Variants in SEMA6D observed in about 807,000 individuals in gnomAD.
SEMA6D encodes semaphorin 6D, also known as semaphorin-6D.
SEMA6D carries 35 observed loss-of-function variants against 106.6 expected under a neutral mutation model. The observed-to-expected ratio is 0.33, with a 90% CI of 0.25 to 0.44. The LOEUF (loss-of-function observed/expected upper bound fraction) is 0.44, where lower values mean the gene tolerates loss of function less well. Among genes scored for constraint, SEMA6D ranks in the 20% least tolerant of loss-of-function variants. SEMA6D has a pLI of 1.00. For missense variants in SEMA6D, 1,185 were observed against 1,345.9 expected (o/e 0.88, Z 1.87); for synonymous variants, 499 against 487.7 (o/e 1.02, Z -0.31).
At chr15:47,302,354 T>G (rs2142995231) in intron 1 of SEMA6D, among the ~76,000 whole-genome samples, 1 of 152,184 alleles carries the variant, frequency 6.6e-6, no homozygotes, top group South Asian at 2.1e-4. Context: ...TAATGCAAAC[T>G]TTTCTTATAC....
intron 1 of SEMA6D, among the ~76,000 whole-genome samples, chr15:47,369,831 C>T (rs922851987): frequency 3.3e-5 from 5 of 152,198 alleles, no homozygotes; most frequent in African/African-American, 7.2e-5. Context: ...TTTCATGAGG[C>T]ATCTACTGCA....
At position 47,406,351 on chromosome 15, in the gene SEMA6D, T is replaced by C. The variant is rs959914862; in HGVS notation, c.-238-6042T>C. ...ACTGCTGGTAGCTGTTTGACCTGGC[T>C]TAAGATACTTATCCCCACTGAGACT... On this transcript the variant is annotated intron_variant, in intron 1 of 19. Transcript: ENST00000558014. Among the ~76,000 whole-genome samples, 15 of 152,160 alleles carry C rather than the reference T, an allele frequency of 9.9e-5. 1 individual carries two copies. In the South Asian group the frequency reaches 3.1e-3, roughly 32 times the overall value.
At chr15:47,627,371 G>T (rs1270938636) in intron 4 of SEMA6D, among the ~76,000 whole-genome samples, 3 of 152,142 alleles carry the variant, frequency 2.0e-5, no homozygotes, top group Non-Finnish European at 4.4e-5. Flanking sequence ...GTGGAAGTAA[G>T]TAAACAAATC....
At chr15:47,467,866 C>G (rs2042711242) in intron 2 of SEMA6D, among the ~76,000 whole-genome samples, 1 of 152,112 alleles carries the variant, frequency 6.6e-6, no homozygotes, top group Non-Finnish European at 1.5e-5. Context: ...AACTCCTTCC[C>G]CTACTAGTAA....
Position 47,759,735 on chromosome 15 carries a change from TGTTTTC to T in SEMA6D, c.-54-9_-54-4del. 8.5e-7 allele frequency: 1 copy of T among 1,176,852 alleles called. No homozygotes were observed. Among genetic ancestry groups the T allele is most frequent in the African/African-American group, 1.5e-5 (1 of 66,478 alleles). 72.9% of individuals were successfully genotyped at this position (1,176,852 alleles called of 1,614,324 possible). A position where few individuals can be genotyped will look rare whatever the true frequency, so the allele number is the denominator to read the frequency against. ...CATAGAGATCTTTCCAAACTGCTTC[TGTTTTC>T]CAGGTAGCTCAGTGGCATTTCTGAG... On this transcript the variant is annotated splice_region_variant and splice_polypyrimidine_tract_variant and intron_variant, in intron 1 of 18. Transcript: ENST00000536845.
Position 47,305,318 on chromosome 15 carries a change from G to A in SEMA6D, c.-238-107075G>A, listed in dbSNP as rs116587444. Among the ~76,000 whole-genome samples, 981 of 152,304 alleles carry A rather than the reference G, an allele frequency of 6.4e-3. 14 individuals carry two copies. Among genetic ancestry groups the A allele is most frequent in the African/African-American group, 0.023 (936 of 41,560 alleles). ...TGTCATGTTACTGAGTGTGGCCCAT[G>A]GGATGACCTGGTGATCACGAAATGA... On this transcript the variant is annotated intron_variant, in intron 1 of 19. Coordinates refer to the SEMA6D transcript ENST00000558014.
intron 1 of SEMA6D, among the ~76,000 whole-genome samples, chr15:47,236,001 G>A (rs2032515883): frequency 6.6e-6 from 1 of 152,002 alleles, no homozygotes; most frequent in African/African-American, 2.4e-5. Flanking sequence ...TGTTGAGCTG[G>A]GTAGCAAGGG....
intron 1 of SEMA6D, among the ~76,000 whole-genome samples, chr15:47,322,357 C>T (rs2036956796): frequency 6.7e-6 from 1 of 148,970 alleles, no homozygotes; most frequent in African/African-American, 2.5e-5. Context: ...TTTCTTTAGT[C>T]TGTCCCAATA....
chr15:47,405,020 A>G (rs2040514613), intron 1 of SEMA6D, among the ~76,000 whole-genome samples: 1 of 152,096 alleles, frequency 6.6e-6, no homozygotes, highest in Non-Finnish European at 1.5e-5. Flanking sequence ...TTAAAGAATG[A>G]GTAGGAAATG....
chr15:47,376,538 G>A (rs138899328), intron 1 of SEMA6D, among the ~76,000 whole-genome samples: 4 of 152,272 alleles, frequency 2.6e-5, no homozygotes, highest in Non-Finnish European at 5.9e-5. Flanking sequence ...CACTAGTGTC[G>A]CCTAAAATTG....
intron 3 of SEMA6D, among the ~76,000 whole-genome samples, chr15:47,476,142 G>A (rs1041896635): frequency 2.0e-5 from 3 of 152,310 alleles, no homozygotes; most frequent in Non-Finnish European, 4.4e-5. Flanking sequence ...AAAGAACTCT[G>A]TATTTGAGGT....
At chr15:47,564,050 A>G (rs185915331) in intron 3 of SEMA6D, among the ~76,000 whole-genome samples, 68 of 152,354 alleles carry the variant, frequency 4.5e-4, no homozygotes, top group African/African-American at 1.4e-3. Flanking sequence ...TATGAGTTCA[A>G]AGAAACCTGA....
At chr15:47,417,558 C>T (rs2041013975) in intron 2 of SEMA6D, among the ~76,000 whole-genome samples, 1 of 79,146 alleles carries the variant, frequency 1.3e-5, no homozygotes, top group Admixed American at 1.4e-4. Context: ...TAAGGAGTGA[C>T]AATTACTGCG....
chr15:47,520,155 C>A (rs1305518331), intron 3 of SEMA6D, among the ~76,000 whole-genome samples: 1 of 152,200 alleles, frequency 6.6e-6, no homozygotes, highest in East Asian at 1.9e-4. Context: ...GATATTCTCA[C>A]AAGTCCAGAT....
chr15:47,609,712 C>T (rs2076854692), intron 4 of SEMA6D, among the ~76,000 whole-genome samples: 1 of 152,104 alleles, frequency 6.6e-6, no homozygotes, highest in Admixed American at 6.5e-5. Flanking sequence ...GGATTTATGC[C>T]CTACTTGCTC....
At chr15:47,555,787 T>C (rs1348384861) in intron 3 of SEMA6D, among the ~76,000 whole-genome samples, 2 of 152,192 alleles carry the variant, frequency 1.3e-5, no homozygotes, top group Non-Finnish European at 1.5e-5. Context: ...AGTGGCATGA[T>C]GTAATAGGTG....
chr15:47,728,162 C>G (rs2079883990), intron 1 of SEMA6D, among the ~76,000 whole-genome samples: 1 of 152,184 alleles, frequency 6.6e-6, no homozygotes, highest in South Asian at 2.1e-4. Flanking sequence ...CCCTGGCCAA[C>G]AGAATGAGCT....
At position 47,770,305 on chromosome 15, in the gene SEMA6D, C is replaced by T. The variant is rs187464909; in HGVS notation, c.1934-192C>T. On this transcript the variant is annotated intron_variant, in intron 18 of 18. Coordinates refer to ENST00000536845, the MANE Select transcript of SEMA6D (RefSeq NM_001358351.3). ...ATTAGAGTTATCCTGGCATTTGCAGCAATCCTGTATGTCTCTGGGGATCCT... is the reference window on the plus strand; with the variant it reads ...ATTAGAGTTATCCTGGCATTTGCAGTAATCCTGTATGTCTCTGGGGATCCT... Among the ~76,000 whole-genome samples the T allele has an allele frequency of 1.8e-3, 274 of 152,242 alleles. 1 individual carries two copies. Among genetic ancestry groups the T allele is most frequent in the Admixed American group, 3.5e-3 (54 of 15,290 alleles).
chr15:47,506,402 T>C (rs1210010254), intron 3 of SEMA6D, among the ~76,000 whole-genome samples: 1 of 152,180 alleles, frequency 6.6e-6, no homozygotes, highest in Non-Finnish European at 1.5e-5. Context: ...AATTTAGCCT[T>C]GTTGCTAATT....
Sources: allele counts gnomAD v4.1 joint callset (sites outside exome capture counted in the v4.1 genomes callset), GRCh38; gene constraint gnomAD v4.1.1; transcripts MANE v1.5; gene names NCBI Gene and HGNC (gene_info 2026-07-23, HGNC 2026-07-21).